PCSK2: variants seen among roughly 807,000 people sequenced by gnomAD.
PCSK2 encodes proprotein convertase subtilisin/kexin type 2, also known as neuroendocrine convertase 2.
A neutral mutation model predicts 69.7 loss-of-function variants in PCSK2; 14 were observed. The ratio of observed to expected loss-of-function variants is 0.20; its 90% CI spans 0.13 to 0.31. The LOEUF is 0.31. Ranked by LOEUF, PCSK2 falls within the 10% of genes least tolerant of loss-of-function variation. PCSK2 has a pLI of 1.00. For synonymous variants in PCSK2, 307 were observed against 320.7 expected (o/e 0.96, Z 0.46); for missense variants, 544 against 842.5 (o/e 0.65, Z 4.39).
chr20:17,242,140 T>C (rs1340170154), intron 1 of PCSK2, among the ~76,000 whole-genome samples: 1 of 152,252 alleles, frequency 6.6e-6, no homozygotes, highest in Non-Finnish European at 1.5e-5. Flanking sequence ...AGCTGCTTCA[T>C]ACTGTTTTCC....
At chr20:17,390,738 C>G (rs1006515357) in intron 5 of PCSK2, among the ~76,000 whole-genome samples, 30 of 152,160 alleles carry the variant, frequency 2.0e-4, no homozygotes, top group Admixed American at 1.8e-3. Context: ...TGCTCATCAT[C>G]AAAAAGATTC....
At chr20:17,395,725 G>A (rs2031496209) in intron 5 of PCSK2, among the ~76,000 whole-genome samples, 1 of 152,180 alleles carries the variant, frequency 6.6e-6, no homozygotes, top group Non-Finnish European at 1.5e-5. Flanking sequence ...CCCTGATACA[G>A]TATTTATTAT....
chr20:17,239,534 C>T (rs534235593), intron 1 of PCSK2, among the ~76,000 whole-genome samples: 252 of 151,992 alleles, frequency 1.7e-3, no homozygotes, highest in African/African-American at 5.9e-3. Flanking sequence ...ACCCAGCAGC[C>T]GAAGCCAGAA....
intron 2 of PCSK2, among the ~76,000 whole-genome samples, chr20:17,290,952 C>A (rs1353097395): frequency 6.6e-6 from 1 of 151,988 alleles, no homozygotes; most frequent in African/African-American, 2.4e-5. Flanking sequence ...CTAAACCATG[C>A]CCTCAATAAT....
intron 1 of PCSK2, among the ~76,000 whole-genome samples, chr20:17,242,280 C>A (rs1986607716): frequency 6.6e-6 from 1 of 152,248 alleles, no homozygotes; most frequent in African/African-American, 2.4e-5. Context: ...AGTGCTAAGT[C>A]AGTGACTTAC....
intron 2 of PCSK2, among the ~76,000 whole-genome samples, chr20:17,341,471 A>G (rs1990509259): frequency 6.6e-6 from 1 of 152,164 alleles, no homozygotes; most frequent in African/African-American, 2.4e-5. Flanking sequence ...GGAAATGTAT[A>G]TGTCTACGTA....
At chr20:17,465,071 GGT>G in intron 10 of PCSK2, 1 of 500,576 alleles carries the variant, frequency 2.0e-6, no homozygotes, top group Non-Finnish European at 3.6e-6. Context: ...TAGCCATTCC[GGT>G]GTGTGTGTTA....
chr20:17,226,848 G>T (rs2122917307), upstream of PCSK2: 1 of 143,060 alleles, frequency 7.0e-6, no homozygotes, highest in East Asian at 2.1e-4. Context: ...GAGGCGGCCG[G>T]GCCGGGCCGG....
intron 8 of PCSK2, among the ~76,000 whole-genome samples, chr20:17,451,626 A>G (rs2032823806): frequency 6.6e-6 from 1 of 152,180 alleles, no homozygotes; most frequent in Non-Finnish European, 1.5e-5. Flanking sequence ...CAAGACATAA[A>G]GCCAGCTTGG....
chr20:17,433,785 TTCTCTCTCTC>T (rs369676259), intron 7 of PCSK2, among the ~76,000 whole-genome samples: 2 of 40,808 alleles, frequency 4.9e-5, no homozygotes, highest in East Asian at 5.1e-4. Context: ...CTCCTTTGAT[TTCTCTCTCTC>T]TCTCTCTCTC....
intron 5 of PCSK2, among the ~76,000 whole-genome samples, chr20:17,403,346 C>T (rs1176908279): frequency 3.3e-5 from 5 of 152,196 alleles, no homozygotes; most frequent in South Asian, 2.1e-4. Context: ...CAAAAGTGAG[C>T]GGAACATTAT....
At chr20:17,353,625 A>G (rs1393949706) in intron 2 of PCSK2, among the ~76,000 whole-genome samples, 1 of 152,232 alleles carries the variant, frequency 6.6e-6, no homozygotes, top group Non-Finnish European at 1.5e-5. Flanking sequence ...CATTCAATCC[A>G]GCAATACTAT....
intron 7 of PCSK2, among the ~76,000 whole-genome samples, chr20:17,431,314 G>T (rs1314024728): frequency 3.9e-5 from 6 of 152,156 alleles, no homozygotes; most frequent in Non-Finnish European, 7.3e-5. Context: ...ATTGTTCGGG[G>T]GTGCCGTCGG....
intron 2 of PCSK2, among the ~76,000 whole-genome samples, chr20:17,353,613 A>G (rs2123201225): frequency 6.6e-6 from 1 of 152,358 alleles, no homozygotes; most frequent in East Asian, 1.9e-4. Context: ...AAACAAAATT[A>G]TCATTCAATC....
chr20:17,280,178 A>G (rs1300185804), intron 2 of PCSK2, among the ~76,000 whole-genome samples: 4 of 152,328 alleles, frequency 2.6e-5, no homozygotes, highest in African/African-American at 9.6e-5. Flanking sequence ...ATTGTATAGT[A>G]TATACTATTT....
At position 17,244,521 on chromosome 20, in the gene PCSK2, A is replaced by G. The variant is rs542768874; in HGVS notation, c.178-15719A>G. The stretch of plus-strand genomic sequence containing the variant: ...TTGAGATGTAGATAAGATCCACTCA[A>G]ATCCCCATAATGTACCCTGTAGAAG... On this transcript the variant is annotated intron_variant, in intron 1 of 11. Coordinates refer to ENST00000262545, the MANE Select transcript of PCSK2 (RefSeq NM_002594.5). Among the ~76,000 whole-genome samples, 5 of 152,322 alleles carry G rather than the reference A, an allele frequency of 3.3e-5. No homozygotes were observed. The East Asian group carries it at 9.7e-4, about 29-fold the overall frequency.
intron 11 of PCSK2, among the ~76,000 whole-genome samples, chr20:17,472,457 C>T (rs1000629178): frequency 9.2e-5 from 14 of 152,226 alleles, no homozygotes; most frequent in South Asian, 4.1e-4. Flanking sequence ...TGGCCACCTG[C>T]TGCGTGTCGT....
chr20:17,398,302 G>A (rs2031558878), intron 5 of PCSK2, among the ~76,000 whole-genome samples: 1 of 151,980 alleles, frequency 6.6e-6, no homozygotes, highest in South Asian at 2.1e-4. Flanking sequence ...AGGTGGGAGG[G>A]TCGCTTGAGG....
At chr20:17,291,424 G>T (rs1379483173) in intron 2 of PCSK2, among the ~76,000 whole-genome samples, 2 of 151,990 alleles carry the variant, frequency 1.3e-5, no homozygotes, top group East Asian at 1.9e-4. Context: ...ATATTCCATT[G>T]TATGAATTGA....
Sources: allele counts gnomAD v4.1 joint callset (sites outside exome capture counted in the v4.1 genomes callset), GRCh38; gene constraint gnomAD v4.1.1; transcripts MANE v1.5; gene names NCBI Gene and HGNC (gene_info 2026-07-23, HGNC 2026-07-21).